PHLPP1: variants seen among roughly 807,000 people sequenced by gnomAD.
The protein encoded by PHLPP1 is PH domain and leucine rich repeat protein phosphatase 1.
In PHLPP1, 42 loss-of-function variants were observed where a neutral mutation model predicts 117.2. The ratio of observed to expected loss-of-function variants is 0.36; its 90% CI spans 0.28 to 0.46. PHLPP1 has a LOEUF of 0.46. Among genes scored for constraint, PHLPP1 ranks in the 20% least tolerant of loss-of-function variants. The pLI is 1.00. For synonymous variants in PHLPP1, 1,042 were observed against 970.7 expected, an observed-to-expected ratio of 1.07 and a Z score of -1.37; for missense variants, 2,084 against 2,241.9, an observed-to-expected ratio of 0.93 and a Z score of 1.42.
intron 4 of PHLPP1, among the ~76,000 whole-genome samples, chr18:62,890,894 G>C (rs1176711453): frequency 6.6e-6 from 1 of 152,004 alleles, no homozygotes; most frequent in Non-Finnish European, 1.5e-5. Flanking sequence ...TTTAAAACTG[G>C]CCCATTCTCT....
rs145985092 is a variant in PHLPP1 at position 62,866,691 on chromosome 18, A to G, written c.2066+6090A>G. ...ATTAAAATGCTCCCAAAGAGCCAGT[A>G]TTTGTGGAATAAATATCCAGGTGGA... On this transcript the variant is annotated intron_variant, in intron 4 of 16. Transcript: ENST00000262719. 5.5e-3 allele frequency among the ~76,000 whole-genome samples: 831 copies of G among 152,360 alleles called. 3 individuals carry two copies. The highest frequency in any genetic ancestry group is 0.017 in the Middle Eastern group (5 of 294).
At chr18:62,896,569 A>G (rs1247043108) in intron 6 of PHLPP1, among the ~76,000 whole-genome samples, 1 of 152,010 alleles carries the variant, frequency 6.6e-6, no homozygotes, top group Non-Finnish European at 1.5e-5. Context: ...TGCTGGGATT[A>G]CAGGCATGAG....
chr18:62,896,580 C>T (rs1446340357), intron 6 of PHLPP1, among the ~76,000 whole-genome samples: 1 of 152,118 alleles, frequency 6.6e-6, no homozygotes, highest in African/African-American at 2.4e-5. Context: ...CAGGCATGAG[C>T]CACCATGCCC....
At chr18:62,840,420 T>G (rs1915020951) in intron 3 of PHLPP1, among the ~76,000 whole-genome samples, 1 of 152,216 alleles carries the variant, frequency 6.6e-6, no homozygotes, top group Non-Finnish European at 1.5e-5. Flanking sequence ...CATGTAGAAT[T>G]AATGTGATAT....
rs183683758 is a variant in PHLPP1, at chr18:62,789,500, A to G, written c.1577-40535A>G. On this transcript the variant is annotated intron_variant, in intron 1 of 16. Coordinates refer to ENST00000262719, the MANE Select transcript of PHLPP1 (RefSeq NM_194449.4). ...TCCCAGAATTTTCTGGGCTTTTTTAAAAATATTGTTTGCAGAGGTGAAATA... is the reference window on the plus strand; with the variant it reads ...TCCCAGAATTTTCTGGGCTTTTTTAGAAATATTGTTTGCAGAGGTGAAATA... 1.6e-3 allele frequency among the ~76,000 whole-genome samples: 250 copies of G among 152,238 alleles called. 3 individuals carry two copies. Among genetic ancestry groups the G allele is most frequent in the Admixed American group, 8.1e-3 (124 of 15,300 alleles).
intron 1 of PHLPP1, among the ~76,000 whole-genome samples, chr18:62,798,425 C>T (rs887639240): frequency 6.6e-6 from 1 of 152,112 alleles, no homozygotes; most frequent in Admixed American, 6.5e-5. Context: ...TCTTGGTACT[C>T]CCTAGTCTAC....
intron 1 of PHLPP1, among the ~76,000 whole-genome samples, chr18:62,761,796 CAG>C (rs1309741017): frequency 6.6e-6 from 1 of 151,870 alleles, no homozygotes; most frequent in Non-Finnish European, 1.5e-5. Flanking sequence ...AAAATAATGA[CAG>C]AGTCTCACTA....
chr18:62,949,544 A>C (rs515846), intron 12 of PHLPP1, among the ~76,000 whole-genome samples: 64,838 of 151,778 alleles, frequency 0.43, 14,040 homozygotes, highest in East Asian at 0.63. Flanking sequence ...AGTTATTAGT[A>C]GGAAAAATAA....
At chr18:62,938,378 A>G (rs1910033873) in intron 10 of PHLPP1, among the ~76,000 whole-genome samples, 1 of 152,218 alleles carries the variant, frequency 6.6e-6, no homozygotes, top group Non-Finnish European at 1.5e-5. Flanking sequence ...GAAACTTTGC[A>G]AAACTAAAGT....
rs574296818 is a variant in PHLPP1, at chr18:62,793,229, TGC to T, written c.1577-36805_1577-36804del. On this transcript the variant is annotated intron_variant, in intron 1 of 16. Coordinates refer to ENST00000262719, the MANE Select transcript of PHLPP1 (RefSeq NM_194449.4). Reference sequence around the variant, plus strand: ...TAAAGCTTATCGAGTGAATGTAGATTGCAGGGGGGTGCTTGTCATGATCAACA... The same window carrying T: ...TAAAGCTTATCGAGTGAATGTAGATTAGGGGGGTGCTTGTCATGATCAACA... 9.9e-5 allele frequency among the ~76,000 whole-genome samples: 15 copies of T among 152,266 alleles called. No individual in the cohort carries two copies. The South Asian group carries it at 3.1e-3, about 32-fold the overall frequency.
intron 1 of PHLPP1, among the ~76,000 whole-genome samples, chr18:62,797,250 G>T (rs190990619): frequency 1.8e-3 from 277 of 152,132 alleles, no homozygotes; most frequent in African/African-American, 6.5e-3. Flanking sequence ...ATAATATATC[G>T]TAAATATTGC....
At chr18:62,971,658 GGAAGCAGGCTCTCTCCA>G (rs72343350) in intron 14 of PHLPP1, among the ~76,000 whole-genome samples, 8,758 of 152,146 alleles carry the variant, frequency 0.058, 380 homozygotes, top group Non-Finnish European at 0.086. Flanking sequence ...AAGCTGGGCG[GGAAGCAGGCTCTCTCCA>G]GGATTACTGA....
chr18:62,978,473 C>A lies in PHLPP1; in HGVS notation c.4196C>A (p.Ala1399Asp). 1 of 1,609,578 alleles carries A rather than the reference C, an allele frequency of 6.2e-7. No homozygotes were observed. The highest frequency in any genetic ancestry group is 8.5e-7 in the Non-Finnish European group (1 of 1,177,912). The change falls in exon 17 of 17, where the codon GCC becomes GAC. Residue 1399 changes from alanine (A) to aspartate (D), a missense_variant. By Grantham distance (126) the Ala-to-Asp change is moderately radical. Coordinates refer to ENST00000262719, the MANE Select transcript of PHLPP1 (RefSeq NM_194449.4). This position sits in a 1 kb window ranked among gnomAD's most constrained non-coding sequence, Gnocchi z 7.0. ...VRNVPDALAA[A>D]KKLCTLAQSY... ...AACGTGCCCGATGCCCTGGCTGCTG[C>A]CAAGAAGCTGTGTACCCTGGCCCAG...
chr18:62,932,310 A>T lies in PHLPP1; in HGVS notation c.2961-9408A>T, dbSNP rs1292921292. Among the ~76,000 whole-genome samples, 5 of 102,586 alleles carry T rather than the reference A, an allele frequency of 4.9e-5. No homozygotes were observed. In the East Asian group the frequency reaches 1.1e-3, roughly 23 times the overall value. 67.3% of individuals were successfully genotyped at this position (102,586 alleles called of 152,430 possible). A position where few individuals can be genotyped will look rare whatever the true frequency, so the allele number is the denominator to read the frequency against. ...ATCCTGATACCAAAATCTGACAAGG[A>T]TACAAAAAGGAAAATAACAAGCCAA... On this transcript the variant is annotated intron_variant, in intron 10 of 16. Transcript: ENST00000262719.
chr18:62,965,550 C>G (rs1355064965), intron 14 of PHLPP1, among the ~76,000 whole-genome samples: 2 of 147,460 alleles, frequency 1.4e-5, no homozygotes, highest in Non-Finnish European at 3.0e-5. Flanking sequence ...ATTTCTGCCT[C>G]CCGGGTTCAA....
At chr18:62,849,824 AAAAAAAAAAT>A (rs1683434559) in intron 3 of PHLPP1, among the ~76,000 whole-genome samples, 2 of 44,758 alleles carry the variant, frequency 4.5e-5, no homozygotes, top group South Asian at 6.7e-4. Flanking sequence ...AAAAAAAAAA[AAAAAAAAAAT>A]ATATATATCC....
chr18:62,735,053 T>TC (rs1911333348), intron 1 of PHLPP1, among the ~76,000 whole-genome samples: 1 of 148,956 alleles, frequency 6.7e-6, no homozygotes, highest in Non-Finnish European at 1.5e-5. Context: ...TTTTTTTTTT[T>TC]CTTTTTTTTG....
chr18:62,875,056 G>A (rs1400819364), intron 4 of PHLPP1, among the ~76,000 whole-genome samples: 1 of 152,198 alleles, frequency 6.6e-6, no homozygotes, highest in Non-Finnish European at 1.5e-5. Context: ...CCGGGTTCAA[G>A]CGATTCTCAT....
chr18:62,830,293 T>A, intron 2 of PHLPP1, 62 bp downstream of exon 2: 1 of 1,394,598 alleles, frequency 7.2e-7, no homozygotes, highest in Non-Finnish European at 9.8e-7. Flanking sequence ...CAGGCTCAAG[T>A]GTAGTGGCGT....
Sources: gnomAD v4.1 joint callset for allele counts (sites outside exome capture counted in the v4.1 genomes callset) on GRCh38, gnomAD v4.1.1 for gene constraint, Gnocchi (gnomAD v3.1) non-coding constraint, MANE v1.5 for transcripts, NCBI Gene and HGNC (gene_info 2026-07-23, HGNC 2026-07-21) for gene names.